The following CLBA1 variants were observed in gnomAD, a reference collection of about 807,000 sequenced individuals.
The protein encoded by CLBA1 is uncharacterized protein CLBA1.
A neutral mutation model predicts 28.8 loss-of-function variants in CLBA1; 30 were observed. That is an observed-to-expected ratio of 1.04 (90% CI 0.78 to 1.41). CLBA1 has a LOEUF of 1.41. CLBA1 is among the 40% of genes most tolerant of loss of function. The probability of loss-of-function intolerance (pLI) is 0.00; values close to 1 mark genes in which losing one functional copy is unlikely to be tolerated. For synonymous variants in CLBA1, 160 were observed against 152.8 expected, an observed-to-expected ratio of 1.05 and a Z score of -0.35; for missense variants, 451 against 412.3, an observed-to-expected ratio of 1.09 and a Z score of -0.81.
At chr14:104,987,785 CTT>C (rs1409373725) in intron 1 of CLBA1, among the ~76,000 whole-genome samples, 321 of 127,190 alleles carry the variant, frequency 2.5e-3, no homozygotes, top group African/African-American at 0.011. Flanking sequence ...GCCCGGCTAA[CTT>C]TTTATATATA....
At chr14:104,988,163 G>A (rs903835957) in intron 1 of CLBA1, among the ~76,000 whole-genome samples, 2 of 151,946 alleles carry the variant, frequency 1.3e-5, no homozygotes, top group Non-Finnish European at 2.9e-5. Flanking sequence ...ACTCGCACAC[G>A]TACACCCTCA....
intron 4 of CLBA1, 56 bp from the exon 5 acceptor site, chr14:104,994,542 C>A: frequency 6.4e-7 from 1 of 1,553,726 alleles, no homozygotes; most frequent in Non-Finnish European, 8.6e-7. Context: ...AACGCCCAAG[C>A]TAGCGCTTCT....
rs893330383 is a variant in CLBA1 at position 104,995,415 on chromosome 14, C to T, written c.*656C>T. On this transcript the variant is annotated 3_prime_UTR_variant, in exon 5 of 5. Coordinates refer to ENST00000547315, the MANE Select transcript of CLBA1 (RefSeq NM_174891.4). ...AGAGCCTCTGGTGGGCCCGTGGCTT[C>T]CCCCAGTTATCTGCTAAGGAAAACT... 1.0e-5 allele frequency: 10 copies of T among 985,406 alleles called. No homozygotes were observed. The African/African-American group carries it at 1.6e-4, about 15-fold the overall frequency. The allele number at this position is 985,406 out of a possible 1,614,324, so 61.0% of individuals were successfully genotyped here. A position where few individuals can be genotyped will look rare whatever the true frequency, so the allele number is the denominator to read the frequency against.
In CLBA1 at chr14:104,989,067, T is replaced by C. The variant is rs1355095098; in HGVS notation, c.548T>C (p.Val183Ala). The change falls in exon 2 of 5, where the codon GTT becomes GCT. Residue 183 changes from valine to alanine, a missense_variant. By Grantham distance (64) the Val-to-Ala change is moderately conservative. Coordinates refer to ENST00000547315, the MANE Select transcript of CLBA1 (RefSeq NM_174891.4). Reference protein sequence around the residue: ...LEISSEEKPGVERVHKLCNES... With the variant: ...LEISSEEKPGAERVHKLCNES... ...ATAAGCAGTGAAGAAAAACCTGGCG[T>C]TGAACGTGTACATAAATTGTGGTAA... 6.2e-7 allele frequency: 1 copy of C among 1,610,982 alleles called. No homozygotes were observed. Among genetic ancestry groups the C allele is most frequent in the Non-Finnish European group, 8.5e-7 (1 of 1,179,056 alleles).
rs575626518 is a variant in CLBA1, at chr14:104,986,966, G to T, written c.423+112G>T. 7.1e-6 allele frequency: 9 copies of T among 1,275,246 alleles called. No homozygotes were observed. The East Asian group carries it at 1.9e-4, about 27-fold the overall frequency. 79.0% of individuals were successfully genotyped at this position (1,275,246 alleles called of 1,614,324 possible). On this transcript the variant is annotated intron_variant, in intron 1 of 4. Coordinates refer to ENST00000547315, the MANE Select transcript of CLBA1 (RefSeq NM_174891.4). ...GCCAGGGAGGGGGCTGACAGCCCCA[G>T]AGCGTCTGCTTCTCTCCTGGCCTTC...
chr14:104,993,808 GA>G (rs1280820054), intron 4 of CLBA1: 1 of 985,366 alleles, frequency 1.0e-6, no homozygotes, highest in African/African-American at 1.7e-5. Context: ...GAGATGGTGG[GA>G]GGGGCGCATG....
In CLBA1 at chr14:104,986,793, C is replaced by A. The variant is rs2140893046; in HGVS notation, c.362C>A (p.Ser121Tyr). Residue 121 changes from serine (S) to tyrosine (Y), a missense_variant, in exon 1 of 5, where the codon TCT becomes TAT. Physicochemically the swap from Ser to Tyr is moderately radical, Grantham distance 144 (BLOSUM62 -2). Transcript: ENST00000547315. The stretch of plus-strand genomic sequence containing the variant: ...ACTTCTGCCCCAAAAGAGTGCAGTT[C>A]TCACCAACCATGCCAGGGTGGACCT... ...RTTSAPKECSSHQPCQGGPWV... is the reference protein window; with the variant it reads ...RTTSAPKECSYHQPCQGGPWV... The A allele has an allele frequency of 4.3e-6, 7 of 1,613,770 alleles. No homozygotes were observed. The East Asian group carries it at 1.6e-4, about 36-fold the overall frequency.
chr14:104,993,413 T>C, intron 4 of CLBA1: 2 of 985,384 alleles, frequency 2.0e-6, no homozygotes, highest in Non-Finnish European at 2.4e-6. Flanking sequence ...AGGCTGTGAC[T>C]GTTGGGCCAG....
At chr14:104,987,683 T>TG (rs1899905200) in intron 1 of CLBA1, among the ~76,000 whole-genome samples, 1 of 138,574 alleles carries the variant, frequency 7.2e-6, no homozygotes, top group South Asian at 2.4e-4. Flanking sequence ...AGTGGCACTG[T>TG]GTCGGCTCAC....
At chr14:104,988,401 C>T (rs886587022) in intron 1 of CLBA1, among the ~76,000 whole-genome samples, 24 of 149,282 alleles carry the variant, frequency 1.6e-4, no homozygotes, top group African/African-American at 3.0e-4. Flanking sequence ...GGCACAATCT[C>T]GGCTCACTGC....
intron 1 of CLBA1, among the ~76,000 whole-genome samples, chr14:104,988,430 G>A (rs768660134): frequency 2.0e-5 from 3 of 146,902 alleles, no homozygotes; most frequent in Admixed American, 6.9e-5. Flanking sequence ...CCCCCCACCC[G>A]CCGGATTCAA....
At position 104,986,608 on chromosome 14, in the gene CLBA1, G is replaced by A; in HGVS notation, c.177G>A (p.Glu59=). ...AAGCCAGCATCTCCATGCCCCGTGAGGGCGGTTCCACCTGCACTGCCCGAT... is the reference window on the plus strand; with the variant it reads ...AAGCCAGCATCTCCATGCCCCGTGAAGGCGGTTCCACCTGCACTGCCCGAT... The part of the protein sequence containing the change: ...DGKASISMPR[E]GGSTCTARCP... Residue 59 remains glutamate, a synonymous_variant, in exon 1 of 5, where the codon GAG becomes GAA. Coordinates refer to ENST00000547315, the MANE Select transcript of CLBA1 (RefSeq NM_174891.4). The A allele has an allele frequency of 4.3e-6, 7 of 1,614,092 alleles. No homozygotes were observed. Among genetic ancestry groups the A allele is most frequent in the Non-Finnish European group, 5.9e-6 (7 of 1,180,028 alleles).
chr14:104,990,215 G>C (rs1477741832), intron 2 of CLBA1: 1 of 163,292 alleles, frequency 6.1e-6, no homozygotes, highest in Middle Eastern at 3.0e-3. Flanking sequence ...GGCGGGGCTG[G>C]ACACTCGTGG....
rs771821067 is a variant in CLBA1, at chr14:104,993,000, C to T, written c.752C>T (p.Pro251Leu). ...HIMEDCDLKE[P>L]EGLLTVSSFC... ...ATGGAAGATTGTGACCTCAAAGAGCCTGAAGGACTCCTCACTGTCAGCAGC... is the reference window on the plus strand; with the variant it reads ...ATGGAAGATTGTGACCTCAAAGAGCTTGAAGGACTCCTCACTGTCAGCAGC... Residue 251 changes from proline to leucine, a missense_variant, in exon 4 of 5, where the codon CCT (proline) becomes CTT (leucine). By Grantham distance (98) the Pro-to-Leu change is moderately conservative (BLOSUM62 -3). Coordinates refer to ENST00000547315, the MANE Select transcript of CLBA1 (RefSeq NM_174891.4). 16 of 1,614,048 alleles carry T rather than the reference C, an allele frequency of 9.9e-6. No individual in the cohort carries two copies. Among genetic ancestry groups the T allele is most frequent in the Admixed American group, 1.7e-5 (1 of 60,004 alleles).
In CLBA1 at chr14:104,988,965, T is replaced by G; in HGVS notation, c.446T>G (p.Ile149Ser). Residue 149 changes from isoleucine to serine, a missense_variant, in exon 2 of 5, where the codon ATT becomes AGT. Physicochemically the swap from Ile to Ser is moderately radical, Grantham distance 142 (BLOSUM62 -2). Coordinates refer to ENST00000547315, the MANE Select transcript of CLBA1 (RefSeq NM_174891.4). ...CAGCCCATTCTCAGCTATGAGAACA[T>G]TTTAAAGTGTGCTTTTCAAGAAATA... The part of the protein sequence containing the change: ...PSEPILSYEN[I>S]LKCAFQEITV... 1 of 1,612,764 alleles carries G rather than the reference T, an allele frequency of 6.2e-7. No individual in the cohort carries two copies. Among genetic ancestry groups the G allele is most frequent in the Non-Finnish European group, 8.5e-7 (1 of 1,179,296 alleles).
chr14:104,993,886 G>A (rs1900104130), intron 4 of CLBA1: 1 of 985,424 alleles, frequency 1.0e-6, no homozygotes, highest in Non-Finnish European at 1.2e-6. Context: ...CTGTGGCCTG[G>A]TAGGAGGTAA....
At chr14:104,988,335 C>CTTTTTT (rs33995599) in intron 1 of CLBA1, among the ~76,000 whole-genome samples, 10 of 138,990 alleles carry the variant, frequency 7.2e-5, no homozygotes, top group Non-Finnish European at 1.2e-4. Context: ...TGTATAATTT[C>CTTTTTT]TTTTTTTTTT....
chr14:104,991,970 A>ACACACACGCCTCACACGCCGCCATG (rs1900038900), intron 3 of CLBA1, among the ~76,000 whole-genome samples: 1 of 139,240 alleles, frequency 7.2e-6, no homozygotes, highest in Non-Finnish European at 1.6e-5. Flanking sequence ...ACACGCCGCC[A>ACACACACGCCTCACACGCCGCCATG]CACACACGCC....
In CLBA1 at chr14:104,994,967, CAG is replaced by C; in HGVS notation, c.*211_*212del. ...TGTCCTTGGCAGAGCCAAGGGGAGA[CAG>C]AGGTTTCTGGATGCCATGACAGGCT... On this transcript the variant is annotated 3_prime_UTR_variant, in exon 5 of 5. Coordinates refer to ENST00000547315, the MANE Select transcript of CLBA1 (RefSeq NM_174891.4). 4.0e-6 allele frequency: 5 copies of C among 1,241,168 alleles called. No individual in the cohort carries two copies. Among genetic ancestry groups the C allele is most frequent in the Middle Eastern group, 3.2e-4 (1 of 3,134 alleles). The allele number at this position is 1,241,168 out of a possible 1,614,324, so 76.9% of individuals were successfully genotyped here.
Sources: allele counts gnomAD v4.1 joint callset (sites outside exome capture counted in the v4.1 genomes callset), GRCh38; gene constraint gnomAD v4.1.1; transcripts MANE v1.5; gene names NCBI Gene and HGNC (gene_info 2026-07-23, HGNC 2026-07-21).